COL18A1: variants seen among roughly 807,000 people sequenced by gnomAD.
COL18A1 encodes collagen type XVIII alpha 1 chain, also known as collagen alpha-1(XVIII) chain.
In COL18A1, 133 loss-of-function variants were observed where a neutral mutation model predicts 168.0. That is an observed-to-expected ratio of 0.79 (90% confidence interval 0.69 to 0.91). COL18A1 has a LOEUF of 0.91. Ranked by LOEUF, COL18A1 falls within the 40% of genes least tolerant of loss-of-function variation. COL18A1 has a pLI of 0.00. For missense variants in COL18A1, 2,126 were observed against 1,925.4 expected (o/e 1.10, Z -1.95); for synonymous variants, 949 against 809.0 (o/e 1.17, Z -2.94).
intron 32 of COL18A1, 81 bp downstream of exon 32, chr21:45,497,742 A>G: frequency 1.3e-6 from 2 of 1,535,882 alleles, no homozygotes; most frequent in Non-Finnish European, 1.8e-6. Flanking sequence ...AGCCGCCACC[A>G]CAAGCAGGTC....
chr21:45,453,333 A>G (rs2034694594), intron 2 of COL18A1, among the ~76,000 whole-genome samples: 1 of 152,252 alleles, frequency 6.6e-6, no homozygotes, highest in Non-Finnish European at 1.5e-5. Flanking sequence ...TATATGGCAT[A>G]GCTAAGCATG....
chr21:45,495,720 GCA>G (rs760276409), intron 29 of COL18A1: 76 of 334,482 alleles, frequency 2.3e-4, no homozygotes, highest in Non-Finnish European at 2.9e-4. Flanking sequence ...ACACATACAC[GCA>G]CACACACATC....
At chr21:45,455,607 T>C in intron 2 of COL18A1, 1 of 1,613,968 alleles carries the variant, frequency 6.2e-7, no homozygotes, top group Non-Finnish European at 8.5e-7. Flanking sequence ...GCCAACCTGC[T>C]GAACCTGAAC....
rs1308870407 is a variant in COL18A1, at chr21:45,512,386, T to G, written c.4008T>G (p.Thr1336=). 1 of 1,612,522 alleles carries G rather than the reference T, an allele frequency of 6.2e-7. No individual in the cohort carries two copies. The highest frequency in any genetic ancestry group is 1.1e-5 in the South Asian group (1 of 91,000). Residue 1336 remains threonine, a synonymous_variant, in exon 42 of 42, where the codon ACT becomes ACG. Transcript: ENST00000651438. ...IVLCIENSFM[T]ASK ...TCTGCATTGAGAACAGCTTCATGACTGCCTCCAAGTAGCCACCGCCTGGAT... is the reference window on the plus strand; with the variant it reads ...TCTGCATTGAGAACAGCTTCATGACGGCCTCCAAGTAGCCACCGCCTGGAT...
chr21:45,500,732 GTGTGT>G (rs2146035701), intron 32 of COL18A1, among the ~76,000 whole-genome samples: 1 of 22,794 alleles, frequency 4.4e-5, no homozygotes, highest in Non-Finnish European at 1.0e-4. Flanking sequence ...GTGTGGTTTG[GTGTGT>G]TGGGTGTGTA....
chr21:45,503,921 A>G (rs2037022868), intron 32 of COL18A1, 90 bp from the exon 33 acceptor site: 6 of 1,428,768 alleles, frequency 4.2e-6, no homozygotes, highest in Admixed American at 1.7e-5. Context: ...GAAGGGCCTC[A>G]GGCAAACCCA....
Position 45,479,821 on chromosome 21 carries a change from T to TTGGGGGAGGAGCACTGAGAGTGC in COL18A1, c.1249-76_1249-54dup, listed in dbSNP as rs1426515269. 5.7e-6 allele frequency: 9 copies of TTGGGGGAGGAGCACTGAGAGTGC among 1,589,304 alleles called. No homozygotes were observed. The African/African-American group carries it at 1.2e-4, about 21-fold the overall frequency. On this transcript the variant is annotated intron_variant, in intron 9 of 41. Transcript: ENST00000651438. ...GGCTCAGCTCCCGTCCGTCCCCTGC[T>TTGGGGGAGGAGCACTGAGAGTGC]TGGGGGAGGAGCACTGAGAGTGCTG...
At position 45,463,302 on chromosome 21, in the gene COL18A1, G is replaced by A. The variant is rs191000693; in HGVS notation, c.107-4940G>A. Among the ~76,000 whole-genome samples, 1 of 152,376 alleles carries A rather than the reference G, an allele frequency of 6.6e-6. No homozygotes were observed. The highest frequency in any genetic ancestry group is 2.4e-5 in the African/African-American group (1 of 41,584). ...TTTGCCGTCCTGTTTCCCACAAGCT[G>A]TGTGGCTGCTGCTCCAGGAACTCGT... On this transcript the variant is annotated intron_variant, in intron 2 of 41. Transcript: ENST00000651438. This position sits in a 1 kb window ranked among gnomAD's most constrained non-coding sequence, Gnocchi z 4.0.
In COL18A1 at chr21:45,494,525, C is replaced by T. The variant is rs1049619016; in HGVS notation, c.2353-20C>T. On this transcript the variant is annotated intron_variant, in intron 26 of 41. Transcript: ENST00000651438. ...GGCACAAGCTGCCACCTAACCCTGT[C>T]TTCTTGTTTTTTTGCTCAGGGAGAG... 2 of 1,612,684 alleles carry T rather than the reference C, an allele frequency of 1.2e-6. No homozygotes were observed. Among genetic ancestry groups the T allele is most frequent in the East Asian group, 2.2e-5 (1 of 44,884 alleles).
rs1308507709 is a variant in COL18A1 at position 45,463,904 on chromosome 21, AAAAAG to A, written c.107-4332_107-4328del. Among the ~76,000 whole-genome samples, 2 of 152,182 alleles carry A rather than the reference AAAAAG, an allele frequency of 1.3e-5. No homozygotes were observed. Among genetic ancestry groups the A allele is most frequent in the Non-Finnish European group, 1.5e-5 (1 of 68,028 alleles). ...AAGAGCGAAACTCCATCTAAAAAAA[AAAAAG>A]AAAAGGAAAGAAATCAAGTCTTGAG... On this transcript the variant is annotated intron_variant, in intron 2 of 41. Coordinates refer to ENST00000651438, the MANE Select transcript of COL18A1 (RefSeq NM_001379500.1). The surrounding 1 kb of genome is among the most constrained non-coding windows in gnomAD (Gnocchi z 4.0).
chr21:45,453,461 G>A (rs2034700136), intron 2 of COL18A1, among the ~76,000 whole-genome samples: 2 of 152,218 alleles, frequency 1.3e-5, no homozygotes. Flanking sequence ...ATGTGAGGAG[G>A]CTTATGTAGT....
intron 8 of COL18A1, 112 bp from the exon 9 acceptor site, chr21:45,478,215 G>A: frequency 7.1e-7 from 1 of 1,414,326 alleles, no homozygotes; most frequent in South Asian, 1.2e-5. Flanking sequence ...TCGGGGGAAG[G>A]CGTCTGCCGC....
intron 3 of COL18A1, among the ~76,000 whole-genome samples, chr21:45,469,686 C>T (rs770517501): frequency 3.9e-5 from 6 of 152,214 alleles, no homozygotes; most frequent in Non-Finnish European, 8.8e-5. Context: ...CTCACAAGTC[C>T]CTGAATTCTA....
Position 45,429,635 on chromosome 21 carries a change from G to A in COL18A1, c.106+24162G>A, listed in dbSNP as rs531515063. 4.6e-5 allele frequency among the ~76,000 whole-genome samples: 7 copies of A among 152,314 alleles called. No homozygotes were observed. The East Asian group carries it at 1.2e-3, about 25-fold the overall frequency. ...GTTCTGAGCTAATGAACATGCTCAT[G>A]AGCAGGCGGCAGGATCCCAGGACGG... On this transcript the variant is annotated intron_variant, in intron 2 of 41. Coordinates refer to ENST00000651438, the MANE Select transcript of COL18A1 (RefSeq NM_001379500.1).
chr21:45,485,899 C>G (rs976810373), intron 15 of COL18A1, among the ~76,000 whole-genome samples: 7 of 152,252 alleles, frequency 4.6e-5, no homozygotes, highest in African/African-American at 1.2e-4. Flanking sequence ...TGGGCTCACA[C>G]TATCTCATTC....
intron 1 of COL18A1, 45 bp from the exon 2 acceptor site, chr21:45,405,334 G>A (rs1202187547): frequency 2.8e-5 from 32 of 1,125,118 alleles, no homozygotes; most frequent in Non-Finnish European, 3.3e-5. Flanking sequence ...TCCTGCGGGG[G>A]TCGCGGGGGT....
intron 2 of COL18A1, among the ~76,000 whole-genome samples, chr21:45,435,380 G>C (rs2034072315): frequency 6.6e-6 from 1 of 151,396 alleles, no homozygotes; most frequent in South Asian, 2.1e-4. Flanking sequence ...CCAGCTGTTT[G>C]GTCCATGGGT....
chr21:45,423,829 C>G lies in COL18A1; in HGVS notation c.106+18356C>G, dbSNP rs116944662. The G allele has an allele frequency of 6.6e-6, 1 of 152,380 alleles. No homozygotes were observed. The highest frequency in any genetic ancestry group is 1.5e-5 in the Non-Finnish European group (1 of 68,082). 9.4% of individuals were successfully genotyped at this position (152,380 alleles called of 1,614,324 possible). A position where few individuals can be genotyped will look rare whatever the true frequency, so the allele number is the denominator to read the frequency against. On this transcript the variant is annotated intron_variant, in intron 2 of 41. Coordinates refer to ENST00000651438, the MANE Select transcript of COL18A1 (RefSeq NM_001379500.1). The surrounding 1 kb of genome is among the most constrained non-coding windows in gnomAD (Gnocchi z 4.0). ...GTTCTGAGTTGGAGCCCTTACTGGC[C>G]AGTTTAAGACCCTCTTGGAGCAGGG...
rs747549214 is a variant in COL18A1, at chr21:45,505,806, A to G, written c.3088-32A>G. 7 of 1,013,410 alleles carry G rather than the reference A, an allele frequency of 6.9e-6. No homozygotes were observed. The South Asian group carries it at 7.8e-5, about 11-fold the overall frequency. 62.8% of individuals were successfully genotyped at this position (1,013,410 alleles called of 1,614,324 possible). ...GCCCCTGCCCCCCGCCCTCCCCGCC[A>G]AGCCCCACACCTCTGCATTTGGTCC... On this transcript the variant is annotated intron_variant, in intron 36 of 41. Transcript: ENST00000651438.
Sources: gnomAD v4.1 joint callset for allele counts (sites outside exome capture counted in the v4.1 genomes callset) on GRCh38, gnomAD v4.1.1 for gene constraint, Gnocchi (gnomAD v3.1) non-coding constraint, MANE v1.5 for transcripts, NCBI Gene and HGNC (gene_info 2026-07-23, HGNC 2026-07-21) for gene names.